The following RASGRF2 variants were observed in gnomAD, a reference collection of about 807,000 sequenced individuals.
RASGRF2 encodes Ras protein specific guanine nucleotide releasing factor 2, also known as ras-specific guanine nucleotide-releasing factor 2.
In RASGRF2, 76 loss-of-function variants were observed where a neutral mutation model predicts 151.0. The ratio of observed to expected loss-of-function variants is 0.50; its 90% CI spans 0.42 to 0.61. The LOEUF (loss-of-function observed/expected upper bound fraction) is 0.61. Ranked by LOEUF, RASGRF2 falls within the 20% of genes least tolerant of loss-of-function variation. The probability of loss-of-function intolerance (pLI) is 0.00; values close to 1 mark genes in which losing one functional copy is unlikely to be tolerated. For synonymous variants in RASGRF2, 504 were observed against 566.5 expected (o/e 0.89, Z 1.57); for missense variants, 1,148 against 1,564.6 (o/e 0.73, Z 4.49).
intron 18 of RASGRF2, chr5:81,183,214 T>G: frequency 1.0e-6 from 1 of 983,250 alleles, no homozygotes; most frequent in Non-Finnish European, 1.2e-6. Context: ...ACAGAAAAGC[T>G]GTAGATCCAC....
intron 1 of RASGRF2, among the ~76,000 whole-genome samples, chr5:80,963,480 T>C (rs912099008): frequency 3.9e-5 from 6 of 152,220 alleles, no homozygotes; most frequent in African/African-American, 1.4e-4. Flanking sequence ...TTTCCTAATA[T>C]GTAAAAATTA....
At chr5:81,142,784 T>G (rs924081749) in intron 17 of RASGRF2, among the ~76,000 whole-genome samples, 7 of 152,122 alleles carry the variant, frequency 4.6e-5, no homozygotes, top group African/African-American at 1.7e-4. Context: ...TAAGAATTAT[T>G]AAGAATTTCA....
intron 11 of RASGRF2, 88 bp downstream of exon 11, chr5:81,094,450 A>G (rs1007395066): frequency 1.6e-6 from 2 of 1,285,374 alleles, no homozygotes; most frequent in Non-Finnish European, 2.2e-6. Flanking sequence ...TCATTTATGT[A>G]TGAAAAATTG....
At chr5:81,213,309 C>T (rs1225354906) in intron 23 of RASGRF2, among the ~76,000 whole-genome samples, 2 of 152,100 alleles carry the variant, frequency 1.3e-5, no homozygotes, top group Non-Finnish European at 2.9e-5. Context: ...ATGGTGATTG[C>T]ACCCAGGGAG....
In RASGRF2 at chr5:81,025,925, T is replaced by A. The variant is rs554656662; in HGVS notation, c.289-16952T>A. On this transcript the variant is annotated intron_variant, in intron 1 of 26. Coordinates refer to ENST00000265080, the MANE Select transcript of RASGRF2 (RefSeq NM_006909.3). ...TTGTATGTTTTATTTTTTTGCACGA[T>A]TAAACAAACTCCCTCCCTCCCCACA... 6.6e-5 allele frequency among the ~76,000 whole-genome samples: 10 copies of A among 152,158 alleles called. No homozygotes were observed. In the South Asian group the frequency reaches 2.1e-3, roughly 32 times the overall value.
chr5:81,193,764 C>T (rs115740311), intron 18 of RASGRF2, among the ~76,000 whole-genome samples: 1 of 152,114 alleles, frequency 6.6e-6, no homozygotes, highest in Non-Finnish European at 1.5e-5. Context: ...TAGATTCACC[C>T]GCCTCAGCCT....
intron 1 of RASGRF2, among the ~76,000 whole-genome samples, chr5:80,993,124 A>G (rs990462769): frequency 2.0e-5 from 3 of 152,138 alleles, no homozygotes; most frequent in Admixed American, 2.0e-4. Context: ...TGATGGCATA[A>G]TGTCTATGCA....
At chr5:80,978,418 A>G (rs575031155) in intron 1 of RASGRF2, among the ~76,000 whole-genome samples, 1 of 152,342 alleles carries the variant, frequency 6.6e-6, no homozygotes, top group South Asian at 2.1e-4. Context: ...CCAGAAAACT[A>G]TGTATTCAAT....
chr5:81,102,555 C>T (rs909343041), intron 12 of RASGRF2, among the ~76,000 whole-genome samples: 2 of 151,948 alleles, frequency 1.3e-5, no homozygotes, highest in Non-Finnish European at 2.9e-5. Context: ...ATTAGCCAGG[C>T]GTGGCGGCAC....
intron 1 of RASGRF2, among the ~76,000 whole-genome samples, chr5:81,035,451 A>G (rs1359469707): frequency 6.6e-6 from 1 of 151,962 alleles, no homozygotes; most frequent in Non-Finnish European, 1.5e-5. Flanking sequence ...ATTACACACC[A>G]GGGCCTGTCG....
At chr5:81,204,847 G>GT (rs11415365) in intron 19 of RASGRF2, among the ~76,000 whole-genome samples, 11,621 of 152,214 alleles carry the variant, frequency 0.076, 805 homozygotes, top group East Asian at 0.26. Context: ...GAAAATGAGG[G>GT]TAAGATCATT....
intron 12 of RASGRF2, among the ~76,000 whole-genome samples, chr5:81,107,660 G>T (rs981311106): frequency 6.6e-6 from 1 of 152,094 alleles, no homozygotes; most frequent in African/African-American, 2.4e-5. Context: ...AATCATCTCT[G>T]ATTTTCTCAC....
rs952708008 is a variant in RASGRF2, at chr5:81,203,961, C to T, written c.2906+2519C>T. ...ACTCAACTTTCTTTAGGCTTCGTCACCTTTTCCACACAAAGACAGTGTGGA... is the reference window on the plus strand; with the variant it reads ...ACTCAACTTTCTTTAGGCTTCGTCATCTTTTCCACACAAAGACAGTGTGGA... On this transcript the variant is annotated intron_variant, in intron 19 of 26. Transcript: ENST00000265080. The T allele has an allele frequency of 3.3e-5, 5 of 152,228 alleles. No individual in the cohort carries two copies. In the East Asian group the frequency reaches 7.7e-4, roughly 23 times the overall value. The allele number at this position is 152,228 out of a possible 1,614,324, so 9.4% of individuals were successfully genotyped here. A position where few individuals can be genotyped will look rare whatever the true frequency, so the allele number is the denominator to read the frequency against.
intron 1 of RASGRF2, among the ~76,000 whole-genome samples, chr5:81,035,410 G>A (rs1387453179): frequency 6.6e-6 from 1 of 152,014 alleles, no homozygotes; most frequent in Non-Finnish European, 1.5e-5. Flanking sequence ...GGAATTGAAC[G>A]ATGAGAACAC....
chr5:81,094,248 T>G, intron 10 of RASGRF2, 48 bp from the exon 11 acceptor site: 1 of 1,477,060 alleles, frequency 6.8e-7, no homozygotes. Context: ...AGCTTCCCAA[T>G]CTACACAAGA....
chr5:81,181,413 C>T (rs1256534494), intron 18 of RASGRF2, among the ~76,000 whole-genome samples: 1 of 152,116 alleles, frequency 6.6e-6, no homozygotes, highest in East Asian at 1.9e-4. Flanking sequence ...AGATAGCATA[C>T]TAAATAATGT....
chr5:80,967,635 C>T (rs1191832531), intron 1 of RASGRF2, among the ~76,000 whole-genome samples: 3 of 152,064 alleles, frequency 2.0e-5, no homozygotes, highest in Non-Finnish European at 4.4e-5. Flanking sequence ...TGATTCATTT[C>T]CTGGACTGTA....
At chr5:81,050,186 G>A (rs1750967098) in intron 2 of RASGRF2, among the ~76,000 whole-genome samples, 2 of 152,140 alleles carry the variant, frequency 1.3e-5, no homozygotes, top group African/African-American at 4.8e-5. Context: ...CATCAACACT[G>A]ATTGCCTGTC....
intron 1 of RASGRF2, among the ~76,000 whole-genome samples, chr5:81,015,730 A>G (rs957940516): frequency 6.6e-6 from 1 of 152,212 alleles, no homozygotes; most frequent in Admixed American, 6.5e-5. Context: ...TAATTTGATT[A>G]TTATATGATT....
Sources: allele counts gnomAD v4.1 joint callset (sites outside exome capture counted in the v4.1 genomes callset), GRCh38; gene constraint gnomAD v4.1.1; transcripts MANE v1.5; gene names NCBI Gene and HGNC (gene_info 2026-07-23, HGNC 2026-07-21).